The following DNAJC5 variants were observed in gnomAD, a reference collection of about 807,000 sequenced individuals.
DNAJC5 encodes DnaJ heat shock protein family (Hsp40) member C5.
In DNAJC5, 1 loss-of-function variant was observed where a neutral mutation model predicts 23.2. That is an observed-to-expected ratio of 0.04 (90% CI 0.02 to 0.20). DNAJC5 has a LOEUF of 0.20. Ranked by LOEUF, DNAJC5 falls within the 10% of genes least tolerant of loss-of-function variation. The pLI is 1.00. For missense variants in DNAJC5, 180 were observed against 267.0 expected (o/e 0.67, Z 2.27); for synonymous variants, 136 against 120.0 (o/e 1.13, Z -0.87).
chr20:63,918,418 T>G (rs1303797252), intron 1 of DNAJC5, among the ~76,000 whole-genome samples: 1 of 152,066 alleles, frequency 6.6e-6, no homozygotes, highest in Non-Finnish European at 1.5e-5. Flanking sequence ...GCTCAAAAAA[T>G]TAAAACTAAT....
intron 1 of DNAJC5, among the ~76,000 whole-genome samples, chr20:63,910,822 G>A (rs1327383837): frequency 2.0e-5 from 3 of 151,758 alleles, no homozygotes; most frequent in South Asian, 4.2e-4. Flanking sequence ...ACAGGTGCCC[G>A]CCACCACACC....
At chr20:63,924,182 A>G (rs1175469808) in intron 1 of DNAJC5, among the ~76,000 whole-genome samples, 3 of 134,186 alleles carry the variant, frequency 2.2e-5, no homozygotes, top group Non-Finnish European at 4.6e-5. Flanking sequence ...ATTTCCTTAT[A>G]CATTTAAAAA....
Position 63,929,576 on chromosome 20 carries a change from G to T in DNAJC5, c.321+51G>T. ...GGCACCCGAGTCACTCCTGCCGTGC[G>T]GGCACCCGAGTCTCTCCTGCCGTGC... On this transcript the variant is annotated intron_variant, in intron 3 of 4. Transcript: ENST00000360864. This position sits in a 1 kb window ranked among gnomAD's most constrained non-coding sequence, Gnocchi z 8.6. 6.3e-7 allele frequency: 1 copy of T among 1,595,984 alleles called. No individual in the cohort carries two copies. Among genetic ancestry groups the T allele is most frequent in the Non-Finnish European group, 8.5e-7 (1 of 1,171,484 alleles).
chr20:63,931,475 C>CA lies in DNAJC5; in HGVS notation c.505dup (p.Thr169AsnfsTer27). On this transcript the variant is annotated frameshift_variant, in exon 5 of 5. Transcript: ENST00000360864. LOFTEE classifies it high-confidence loss of function. The surrounding 1 kb of genome is among the most constrained non-coding windows in gnomAD (Gnocchi z 9.6). ...GTGCTTGCTTTTCAGAGGCCACAGACACGCCGATCGTCATACAGCCGGCAT... is the reference window on the plus strand; with the variant it reads ...GTGCTTGCTTTTCAGAGGCCACAGACAACGCCGATCGTCATACAGCCGGCAT... 6.4e-7 allele frequency: 1 copy of CA among 1,562,460 alleles called. No homozygotes were observed. Among genetic ancestry groups the CA allele is most frequent in the East Asian group, 2.4e-5 (1 of 42,130 alleles).
In DNAJC5 at chr20:63,926,035, A is replaced by G. The variant is rs186693046; in HGVS notation, c.-11-2300A>G. On this transcript the variant is annotated intron_variant, in intron 1 of 4. Coordinates refer to ENST00000360864, the MANE Select transcript of DNAJC5 (RefSeq NM_025219.3). ...ATTAGAGATGGGGTTTCACTGTGTT[A>G]GCCAGGATGGTCTCAATCTCCTGAT... 4.2e-3 allele frequency among the ~76,000 whole-genome samples: 638 copies of G among 152,116 alleles called. 3 individuals carry two copies. Among genetic ancestry groups the G allele is most frequent in the African/African-American group, 0.014 (601 of 41,528 alleles).
intron 1 of DNAJC5, among the ~76,000 whole-genome samples, chr20:63,907,789 C>T (rs940366462): frequency 1.3e-5 from 2 of 152,208 alleles, no homozygotes; most frequent in African/African-American, 2.4e-5. Context: ...TGTTTTGAGA[C>T]GGAGTCTCGC....
intron 1 of DNAJC5, among the ~76,000 whole-genome samples, chr20:63,925,882 C>T (rs2053610008): frequency 7.1e-6 from 1 of 141,552 alleles, no homozygotes; most frequent in African/African-American, 2.7e-5. Context: ...GGCTGGAGTG[C>T]AGTGGTGCGA....
rs1049457456 is a variant in DNAJC5 at position 63,915,418 on chromosome 20, A to G, written c.-11-12917A>G. Among the ~76,000 whole-genome samples, 6 of 136,718 alleles carry G rather than the reference A, an allele frequency of 4.4e-5. No homozygotes were observed. The East Asian group carries it at 8.0e-4, about 18-fold the overall frequency. 89.7% of individuals were successfully genotyped at this position (136,718 alleles called of 152,430 possible). ...TTAATGTTATATGTTTTTTACTACA[A>G]TTGGTAAAAAAAAAAAAAAAAGCTT... On this transcript the variant is annotated intron_variant, in intron 1 of 4. Coordinates refer to ENST00000360864, the MANE Select transcript of DNAJC5 (RefSeq NM_025219.3).
chr20:63,900,576 CAAAAAAAAA>C (rs752326573), intron 1 of DNAJC5, among the ~76,000 whole-genome samples: 3 of 65,286 alleles, frequency 4.6e-5, no homozygotes, highest in Admixed American at 3.8e-4. Flanking sequence ...GACACTGTCT[CAAAAAAAAA>C]AAAAAAAAAA....
intron 1 of DNAJC5, among the ~76,000 whole-genome samples, chr20:63,906,693 G>A (rs1405136982): frequency 6.6e-6 from 1 of 152,118 alleles, no homozygotes. Flanking sequence ...GGCTGAGGCA[G>A]GAGAATGGCG....
chr20:63,922,145 C>T (rs6090020), intron 1 of DNAJC5, among the ~76,000 whole-genome samples: 52,124 of 151,616 alleles, frequency 0.34, 10,689 homozygotes, highest in East Asian at 0.81. Flanking sequence ...CATCAGGTGG[C>T]AAACTCCCGG....
chr20:63,934,703 A>G lies in DNAJC5; in HGVS notation c.*3135A>G, dbSNP rs1049547440. 3 of 152,252 alleles carry G rather than the reference A, an allele frequency of 2.0e-5. No homozygotes were observed. Among genetic ancestry groups the G allele is most frequent in the African/African-American group, 7.2e-5 (3 of 41,448 alleles). The allele number at this position is 152,252 out of a possible 1,614,324, so 9.4% of individuals were successfully genotyped here. On this transcript the variant is annotated 3_prime_UTR_variant, in exon 5 of 5. Transcript: ENST00000360864. ...TCCTAGTTCTCTATGTTGTTAGTGC[A>G]GCCAGCACCCAGTGGGGACCTACTA... is the stretch of plus-strand genomic sequence containing the variant.
At chr20:63,910,832 C>A (rs1412102181) in intron 1 of DNAJC5, among the ~76,000 whole-genome samples, 1 of 151,778 alleles carries the variant, frequency 6.6e-6, no homozygotes, top group African/African-American at 2.4e-5. Flanking sequence ...GCCACCACAC[C>A]CGGCTAATTT....
At chr20:63,908,012 C>G (rs539250363) in intron 1 of DNAJC5, among the ~76,000 whole-genome samples, 2 of 152,212 alleles carry the variant, frequency 1.3e-5, no homozygotes, top group Non-Finnish European at 2.9e-5. Flanking sequence ...GTGATCCCCC[C>G]ACCTTGGCCT....
intron 1 of DNAJC5, among the ~76,000 whole-genome samples, chr20:63,915,568 C>T (rs772123982): frequency 3.3e-5 from 5 of 152,220 alleles, no homozygotes; most frequent in Non-Finnish European, 7.3e-5. Context: ...ACAGACAGAA[C>T]GGCCTTGAAG....
intron 1 of DNAJC5, among the ~76,000 whole-genome samples, chr20:63,910,459 C>T (rs969576481): frequency 9.3e-5 from 14 of 151,250 alleles, no homozygotes; most frequent in African/African-American, 3.4e-4. Context: ...AGGAGAATGG[C>T]GTGAACCTGG....
chr20:63,902,538 T>C (rs547605682), intron 1 of DNAJC5, among the ~76,000 whole-genome samples: 1 of 150,846 alleles, frequency 6.6e-6, no homozygotes, highest in African/African-American at 2.4e-5. Flanking sequence ...CCAGCTAATT[T>C]TGTATTTTTA....
chr20:63,912,649 G>A (rs1274414215), intron 1 of DNAJC5, among the ~76,000 whole-genome samples: 1 of 152,082 alleles, frequency 6.6e-6, no homozygotes, highest in Non-Finnish European at 1.5e-5. Context: ...CGCCCAGGCT[G>A]CAGGCTGGAG....
At position 63,920,114 on chromosome 20, in the gene DNAJC5, G is replaced by A. The variant is rs1018383400; in HGVS notation, c.-11-8221G>A. 3.5e-5 allele frequency among the ~76,000 whole-genome samples: 5 copies of A among 142,992 alleles called. No individual in the cohort carries two copies. Among genetic ancestry groups the A allele is most frequent in the Admixed American group, 2.1e-4 (3 of 14,564 alleles). 93.8% of individuals were successfully genotyped at this position (142,992 alleles called of 152,430 possible). ...CTGTGTGGACATGTGCCCAGGGCCCGGGACAGCGCCACGGAAGAGGACGCA... is the reference window on the plus strand; with the variant it reads ...CTGTGTGGACATGTGCCCAGGGCCCAGGACAGCGCCACGGAAGAGGACGCA... On this transcript the variant is annotated intron_variant, in intron 1 of 4. Transcript: ENST00000360864. The surrounding 1 kb of genome is among the most constrained non-coding windows in gnomAD (Gnocchi z 4.6).
Sources: allele counts gnomAD v4.1 joint callset (sites outside exome capture counted in the v4.1 genomes callset), GRCh38; gene constraint gnomAD v4.1.1; non-coding constraint Gnocchi (gnomAD v3.1); transcripts MANE v1.5; gene names NCBI Gene and HGNC (gene_info 2026-07-23, HGNC 2026-07-21).